The following PAPPA2 variants were observed in gnomAD, a reference collection of about 807,000 sequenced individuals.
The protein encoded by PAPPA2 is pappalysin-2.
In PAPPA2, 86 loss-of-function variants were observed where a neutral mutation model predicts 176.4. That is an observed-to-expected ratio of 0.49 (90% CI 0.41 to 0.58). The LOEUF (loss-of-function observed/expected upper bound fraction) is 0.58. PAPPA2 is among the 20% of genes least tolerant of loss of function. PAPPA2 has a pLI of 0.00. For synonymous variants in PAPPA2, 809 were observed against 852.2 expected (o/e 0.95, Z 0.88); for missense variants, 2,073 against 2,256.9 (o/e 0.92, Z 1.65).
intron 4 of PAPPA2, among the ~76,000 whole-genome samples, chr1:176,684,506 A>C (rs1324768058): frequency 6.6e-6 from 1 of 152,114 alleles, no homozygotes; most frequent in East Asian, 1.9e-4. Context: ...AGGAACACCA[A>C]AGAAGGGATT....
In PAPPA2 at chr1:176,842,511, A is replaced by T. The variant is rs1667526100; in HGVS notation, c.*57A>T. 6.8e-7 allele frequency: 1 copy of T among 1,462,810 alleles called. No individual in the cohort carries two copies. Among genetic ancestry groups the T allele is most frequent in the Non-Finnish European group, 9.5e-7 (1 of 1,047,568 alleles). 90.6% of individuals were successfully genotyped at this position (1,462,810 alleles called of 1,614,324 possible). On this transcript the variant is annotated 3_prime_UTR_variant, in exon 23 of 23. Transcript: ENST00000367662. ...CAGAGGCAGTAAGAAAGAGAGGCCG[A>T]CCCAGGAGGAAACAAAGGGTGAATG... is the stretch of plus-strand genomic sequence containing the variant.
At chr1:176,546,375 G>C (rs1474048232) in intron 1 of PAPPA2, among the ~76,000 whole-genome samples, 1 of 152,020 alleles carries the variant, frequency 6.6e-6, no homozygotes, top group Admixed American at 6.6e-5. Context: ...AAACAATTTG[G>C]GTGGGGAATA....
At chr1:176,750,221 C>A (rs1200267657) in intron 14 of PAPPA2, among the ~76,000 whole-genome samples, 1 of 151,082 alleles carries the variant, frequency 6.6e-6, no homozygotes, top group Admixed American at 6.6e-5. Context: ...AGAGTACCAA[C>A]CCTGTACAGT....
intron 1 of PAPPA2, among the ~76,000 whole-genome samples, chr1:176,528,999 G>C (rs916774041): frequency 6.6e-6 from 1 of 152,126 alleles, no homozygotes; most frequent in Admixed American, 6.5e-5. Context: ...TTGCTTATTG[G>C]ATTCCAAGTT....
In PAPPA2 at chr1:176,769,477, A is replaced by G; in HGVS notation, c.4324-130A>G. On this transcript the variant is annotated intron_variant, in intron 15 of 22. Coordinates refer to ENST00000367662, the MANE Select transcript of PAPPA2 (RefSeq NM_020318.3). ...TTAAAACAGTGAGGCCTGAAGAGGG[A>G]GAAAGGCAAAATAATTTGTCCCGTT... The G allele has an allele frequency of 4.2e-6, 4 of 963,330 alleles. No homozygotes were observed. In the South Asian group the frequency reaches 6.1e-5, roughly 15 times the overall value. 59.7% of individuals were successfully genotyped at this position (963,330 alleles called of 1,614,324 possible). A position where few individuals can be genotyped will look rare whatever the true frequency, so the allele number is the denominator to read the frequency against.
intron 1 of PAPPA2, among the ~76,000 whole-genome samples, chr1:176,494,837 G>A (rs1647511340): frequency 1.3e-5 from 2 of 152,204 alleles, no homozygotes; most frequent in African/African-American, 4.8e-5. Context: ...TGTGGCACAA[G>A]CAACCTGAGT....
chr1:176,743,341 T>C (rs1054468635), intron 14 of PAPPA2, among the ~76,000 whole-genome samples: 1 of 152,212 alleles, frequency 6.6e-6, no homozygotes, highest in Non-Finnish European at 1.5e-5. Flanking sequence ...CTCAGTCTTG[T>C]TTCTCACTCT....
intron 1 of PAPPA2, among the ~76,000 whole-genome samples, chr1:176,470,323 A>G (rs969077156): frequency 2.6e-5 from 4 of 152,134 alleles, no homozygotes; most frequent in African/African-American, 9.7e-5. Context: ...TGCTTTTCAG[A>G]GGCCACATTG....
At chr1:176,585,625 T>A (rs1187985179) in intron 2 of PAPPA2, among the ~76,000 whole-genome samples, 1 of 152,130 alleles carries the variant, frequency 6.6e-6, no homozygotes, top group Admixed American at 6.5e-5. Flanking sequence ...ATGCCAATAT[T>A]TGTTCACTTA....
At chr1:176,523,370 C>G (rs1366448422) in intron 1 of PAPPA2, among the ~76,000 whole-genome samples, 1 of 152,208 alleles carries the variant, frequency 6.6e-6, no homozygotes, top group African/African-American at 2.4e-5. Flanking sequence ...CCACTGGTCA[C>G]ATTTAAAATG....
At chr1:176,696,695 TATC>T (rs1218557172) in intron 7 of PAPPA2, among the ~76,000 whole-genome samples, 2 of 152,244 alleles carry the variant, frequency 1.3e-5, no homozygotes, top group African/African-American at 4.8e-5. Context: ...TTTACCTAAT[TATC>T]ATCTTTTTTC....
intron 21 of PAPPA2, among the ~76,000 whole-genome samples, chr1:176,818,698 C>T (rs1666512245): frequency 6.6e-6 from 1 of 152,186 alleles, no homozygotes. Flanking sequence ...TCTTCACAGC[C>T]TAATCCCAGC....
At chr1:176,798,601 TC>T (rs1665543490) in intron 20 of PAPPA2, among the ~76,000 whole-genome samples, 1 of 152,216 alleles carries the variant, frequency 6.6e-6, no homozygotes, top group Non-Finnish European at 1.5e-5. Flanking sequence ...TCAGTAGAGC[TC>T]CAGTGGAACC....
At chr1:176,645,810 G>A (rs1409402979) in intron 3 of PAPPA2, among the ~76,000 whole-genome samples, 5 of 151,612 alleles carry the variant, frequency 3.3e-5, no homozygotes, top group Admixed American at 3.3e-4. Context: ...TATCTCATGT[G>A]GTTTTGGTTT....
At chr1:176,832,271 G>A (rs894856248) in intron 21 of PAPPA2, among the ~76,000 whole-genome samples, 3 of 152,210 alleles carry the variant, frequency 2.0e-5, no homozygotes, top group African/African-American at 4.8e-5. Context: ...GAACACTGCT[G>A]CTCATTGTTA....
intron 3 of PAPPA2, among the ~76,000 whole-genome samples, chr1:176,659,712 ATTGTAACAAT>A (rs1418471079): frequency 6.6e-6 from 1 of 152,124 alleles, no homozygotes; most frequent in African/African-American, 2.4e-5. Context: ...AATCTTCAAG[ATTGTAACAAT>A]TTATAATTTG....
chr1:176,643,360 T>C (rs1454307635), intron 3 of PAPPA2, among the ~76,000 whole-genome samples: 1 of 151,584 alleles, frequency 6.6e-6, no homozygotes, highest in Non-Finnish European at 1.5e-5. Flanking sequence ...AAATAGTAAA[T>C]ACTTTAGCCT....
intron 21 of PAPPA2, among the ~76,000 whole-genome samples, chr1:176,828,970 T>G (rs1666969131): frequency 6.6e-6 from 1 of 151,848 alleles, no homozygotes; most frequent in African/African-American, 2.4e-5. Context: ...GCCACTGCAC[T>G]CCAGTCTGGG....
At chr1:176,788,679 A>T (rs193105913) in intron 17 of PAPPA2, among the ~76,000 whole-genome samples, 1 of 152,282 alleles carries the variant, frequency 6.6e-6, no homozygotes, top group East Asian at 1.9e-4. Context: ...TCCACATCAA[A>T]TGCTGTCACT....
Sources: gnomAD v4.1 joint callset for allele counts (sites outside exome capture counted in the v4.1 genomes callset) on GRCh38, gnomAD v4.1.1 for gene constraint, MANE v1.5 for transcripts, NCBI Gene and HGNC (gene_info 2026-07-23, HGNC 2026-07-21) for gene names.